Variants in PDE7B observed in about 807,000 individuals in gnomAD.
The protein encoded by PDE7B is 3',5'-cyclic-AMP phosphodiesterase 7B.
A neutral mutation model predicts 56.2 loss-of-function variants in PDE7B; 29 were observed. That is an observed-to-expected ratio of 0.52 (90% confidence interval 0.38 to 0.70). The LOEUF (loss-of-function observed/expected upper bound fraction) is 0.70. Among genes scored for constraint, PDE7B ranks in the 30% least tolerant of loss-of-function variants. The pLI is 0.00. For synonymous variants in PDE7B, 197 were observed against 196.9 expected (o/e 1.00, Z 0.00); for missense variants, 490 against 565.0 (o/e 0.87, Z 1.35).
intron 2 of PDE7B, among the ~76,000 whole-genome samples, chr6:136,031,554 A>G (rs888987549): frequency 6.6e-6 from 1 of 151,798 alleles, no homozygotes; most frequent in Non-Finnish European, 1.5e-5. Context: ...CCCGGCTAAA[A>G]CGGTGAAACC....
chr6:136,052,742 G>A (rs1217271700), intron 2 of PDE7B, among the ~76,000 whole-genome samples: 1 of 151,822 alleles, frequency 6.6e-6, no homozygotes, highest in Non-Finnish European at 1.5e-5. Context: ...GATAGCAGAA[G>A]TGTTTTTGTA....
intron 2 of PDE7B, among the ~76,000 whole-genome samples, chr6:136,081,195 T>C (rs1182006174): frequency 1.3e-5 from 2 of 152,114 alleles, no homozygotes; most frequent in Non-Finnish European, 2.9e-5. Flanking sequence ...GAGAGATTAC[T>C]GCAGTATGAT....
intron 2 of PDE7B, among the ~76,000 whole-genome samples, chr6:136,102,826 A>G (rs1777585621): frequency 1.3e-5 from 2 of 152,166 alleles, no homozygotes; most frequent in African/African-American, 4.8e-5. Context: ...ACTACTATTT[A>G]CATATTCACT....
At chr6:135,865,674 G>T (rs574446809) in intron 1 of PDE7B, among the ~76,000 whole-genome samples, 4 of 151,420 alleles carry the variant, frequency 2.6e-5, no homozygotes, top group African/African-American at 9.7e-5. Flanking sequence ...GAGAGAGAGA[G>T]ACAGAGACAG....
At chr6:135,977,163 C>G (rs1312558380) in intron 2 of PDE7B, among the ~76,000 whole-genome samples, 1 of 152,070 alleles carries the variant, frequency 6.6e-6, no homozygotes, top group Non-Finnish European at 1.5e-5. Context: ...GTAGAATCCT[C>G]CCGCTTCAGG....
At chr6:135,933,357 CAT>C (rs1774327760) in intron 1 of PDE7B, among the ~76,000 whole-genome samples, 1 of 152,188 alleles carries the variant, frequency 6.6e-6, no homozygotes, top group African/African-American at 2.4e-5. Flanking sequence ...CTTGTGTTGA[CAT>C]GTTTGAGTTT....
chr6:135,871,794 CACAT>C (rs1775386459), intron 1 of PDE7B, among the ~76,000 whole-genome samples: 3 of 151,866 alleles, frequency 2.0e-5, no homozygotes, highest in East Asian at 3.9e-4. Flanking sequence ...CACACACACA[CACAT>C]ATAATATACA....
chr6:136,109,713 A>G (rs1403567670), intron 3 of PDE7B, among the ~76,000 whole-genome samples: 3 of 152,144 alleles, frequency 2.0e-5, no homozygotes, highest in African/African-American at 7.2e-5. Context: ...CAATTTTCTT[A>G]ATCTTAGGTT....
At chr6:136,133,385 G>C (rs1159534055) in intron 3 of PDE7B, among the ~76,000 whole-genome samples, 7 of 151,806 alleles carry the variant, frequency 4.6e-5, no homozygotes, top group African/African-American at 1.7e-4. Flanking sequence ...TTCTAAAGAT[G>C]CACTTATAAT....
At chr6:136,157,997 C>T (rs1236720860) in intron 8 of PDE7B, among the ~76,000 whole-genome samples, 2 of 152,186 alleles carry the variant, frequency 1.3e-5, no homozygotes, top group African/African-American at 4.8e-5. Flanking sequence ...TTGTACAGGA[C>T]ATGACCTGGA....
intron 1 of PDE7B, among the ~76,000 whole-genome samples, chr6:135,887,428 T>C (rs1775729481): frequency 6.6e-6 from 1 of 152,148 alleles, no homozygotes; most frequent in Admixed American, 6.6e-5. Flanking sequence ...TTCCCTAACC[T>C]GTAACCCTAC....
intron 1 of PDE7B, among the ~76,000 whole-genome samples, chr6:135,876,029 C>A (rs1016891435): frequency 1.3e-5 from 2 of 151,730 alleles, no homozygotes. Context: ...CAGAGCAGAA[C>A]GGGAAAGGAA....
At chr6:136,075,813 C>T (rs1220078485) in intron 2 of PDE7B, among the ~76,000 whole-genome samples, 2 of 152,266 alleles carry the variant, frequency 1.3e-5, no homozygotes, top group South Asian at 2.1e-4. Flanking sequence ...AGAGGAGGTA[C>T]GGCTAGTCAA....
At chr6:135,887,094 A>T (rs1775722614) in intron 1 of PDE7B, among the ~76,000 whole-genome samples, 1 of 152,030 alleles carries the variant, frequency 6.6e-6, no homozygotes, top group South Asian at 2.1e-4. Context: ...TGTGGTTTTC[A>T]TTTGCATTTC....
intron 3 of PDE7B, among the ~76,000 whole-genome samples, chr6:136,122,122 A>G (rs890920524): frequency 6.6e-6 from 1 of 151,814 alleles, no homozygotes; most frequent in African/African-American, 2.4e-5. Flanking sequence ...CAGCCTCCTG[A>G]GTAGCTGGGA....
At chr6:136,181,099 G>A in intron 10 of PDE7B, 128 bp from the exon 11 acceptor site, 1 of 693,152 alleles carries the variant, frequency 1.4e-6, no homozygotes, top group Non-Finnish European at 2.6e-6. Context: ...ATGTCAGGGA[G>A]GTACTCTGTA....
intron 8 of PDE7B, among the ~76,000 whole-genome samples, chr6:136,160,936 G>A (rs377415397): frequency 6.6e-6 from 1 of 152,252 alleles, no homozygotes; most frequent in South Asian, 2.1e-4. Context: ...AAGGGAAACA[G>A]AAAATAAGTA....
intron 3 of PDE7B, among the ~76,000 whole-genome samples, chr6:136,136,765 A>G (rs1481633610): frequency 6.6e-6 from 1 of 151,976 alleles, no homozygotes; most frequent in African/African-American, 2.4e-5. Context: ...AATGAAAAAA[A>G]AAAAAAGCAA....
chr6:136,127,599 T>G (rs185270221), intron 3 of PDE7B, among the ~76,000 whole-genome samples: 2 of 152,336 alleles, frequency 1.3e-5, no homozygotes, highest in Admixed American at 6.5e-5. Flanking sequence ...AAATAAATAT[T>G]GTTAAAATAA....
Sources: gnomAD v4.1 joint callset for allele counts (sites outside exome capture counted in the v4.1 genomes callset) on GRCh38, gnomAD v4.1.1 for gene constraint, MANE v1.5 for transcripts, NCBI Gene and HGNC (gene_info 2026-07-23, HGNC 2026-07-21) for gene names.